MEIS2: variants seen among roughly 807,000 people sequenced by gnomAD.
The protein encoded by MEIS2 is Meis homeobox 2, also known as homeobox protein Meis2.
A neutral mutation model predicts 58.6 loss-of-function variants in MEIS2; 9 were observed. That is an observed-to-expected ratio of 0.15 (90% confidence interval 0.09 to 0.27). The LOEUF is 0.27. MEIS2 is among the 10% of genes least tolerant of loss of function. The pLI is 1.00. For missense variants in MEIS2, 427 were observed against 635.0 expected, an observed-to-expected ratio of 0.67 and a Z score of 3.52; for synonymous variants, 221 against 228.4, an observed-to-expected ratio of 0.97 and a Z score of 0.29.
At chr15:36,989,717 T>C (rs983206263) in intron 8 of MEIS2, among the ~76,000 whole-genome samples, 1 of 152,242 alleles carries the variant, frequency 6.6e-6, no homozygotes, top group African/African-American at 2.4e-5. Flanking sequence ...AACTCATGTT[T>C]ACAGAACTAT....
intron 7 of MEIS2, among the ~76,000 whole-genome samples, chr15:37,075,547 T>G (rs1891288549): frequency 6.6e-6 from 1 of 152,018 alleles, no homozygotes. Context: ...ACACACCAAG[T>G]TTTGATCAAC....
intron 7 of MEIS2, among the ~76,000 whole-genome samples, chr15:37,064,101 G>A (rs1889610115): frequency 1.3e-5 from 2 of 151,996 alleles, no homozygotes; most frequent in African/African-American, 2.4e-5. Context: ...AGAACTTAAG[G>A]TCCAGTGATA....
At position 36,979,701 on chromosome 15, in the gene MEIS2, AT is replaced by A. The variant is rs567384815; in HGVS notation, c.901-29302del. ...CCATTATTATATATAATATATAAAA[AT>A]ATATATAATATATATGAATTACATT... On this transcript the variant is annotated intron_variant, in intron 8 of 11. Coordinates refer to ENST00000561208, the MANE Select transcript of MEIS2 (RefSeq NM_170675.5). Among the ~76,000 whole-genome samples, 608 of 147,330 alleles carry A rather than the reference AT, an allele frequency of 4.1e-3. 2 individuals carry two copies. The highest frequency in any genetic ancestry group is 0.014 in the African/African-American group (582 of 40,798).
At chr15:36,917,741 G>A (rs777189764) in intron 9 of MEIS2, among the ~76,000 whole-genome samples, 5 of 152,138 alleles carry the variant, frequency 3.3e-5, no homozygotes, top group Non-Finnish European at 7.4e-5. Flanking sequence ...ACCTAAAAGA[G>A]TTTCAGGGTC....
intron 8 of MEIS2, among the ~76,000 whole-genome samples, chr15:37,034,481 G>C (rs2062063701): frequency 6.6e-6 from 1 of 152,190 alleles, no homozygotes; most frequent in African/African-American, 2.4e-5. Flanking sequence ...AAGCATTCTT[G>C]AGGTGACTAC....
chr15:36,937,636 T>C (rs767212261), intron 9 of MEIS2, among the ~76,000 whole-genome samples: 2 of 152,224 alleles, frequency 1.3e-5, no homozygotes, highest in African/African-American at 4.8e-5. Context: ...CAAATTACTT[T>C]AGAGTGGAAC....
intron 9 of MEIS2, among the ~76,000 whole-genome samples, chr15:36,932,230 T>G (rs1474157564): frequency 6.6e-6 from 1 of 152,218 alleles, no homozygotes; most frequent in Non-Finnish European, 1.5e-5. Flanking sequence ...AATATCCATG[T>G]GTTAAACATT....
intron 8 of MEIS2, among the ~76,000 whole-genome samples, chr15:36,961,829 T>A (rs2059194037): frequency 2.0e-5 from 3 of 152,330 alleles, no homozygotes; most frequent in South Asian, 2.1e-4. Context: ...CATATTTTTT[T>A]AATCCATTTA....
chr15:36,895,071 G>A, intron 11 of MEIS2, 80 bp downstream of exon 11: 1 of 1,208,576 alleles, frequency 8.3e-7, no homozygotes, highest in East Asian at 2.3e-5. Context: ...CATGACAGTG[G>A]GATAGTAGAG....
At chr15:36,948,066 C>T (rs1282847372) in intron 9 of MEIS2, among the ~76,000 whole-genome samples, 2 of 151,816 alleles carry the variant, frequency 1.3e-5, no homozygotes, top group East Asian at 1.9e-4. Context: ...ATCAAAGTTA[C>T]GGTAGCCGTT....
intron 7 of MEIS2, among the ~76,000 whole-genome samples, chr15:37,043,437 G>C (rs1359087141): frequency 2.0e-5 from 3 of 151,858 alleles, no homozygotes; most frequent in Middle Eastern, 3.2e-3. Context: ...CAGGAAGTAG[G>C]TATACTTATG....
intron 9 of MEIS2, among the ~76,000 whole-genome samples, chr15:36,943,697 G>T (rs575983043): frequency 6.6e-6 from 1 of 152,024 alleles, no homozygotes; most frequent in South Asian, 2.1e-4. Flanking sequence ...ACCCAGCAAA[G>T]AAATATGCAT....
At chr15:37,075,630 T>A (rs1429831128) in intron 7 of MEIS2, among the ~76,000 whole-genome samples, 2 of 152,000 alleles carry the variant, frequency 1.3e-5, no homozygotes, top group Non-Finnish European at 2.9e-5. Flanking sequence ...GACATACTAA[T>A]GCCAGATAAT....
intron 7 of MEIS2, among the ~76,000 whole-genome samples, chr15:37,077,201 G>T (rs118056683): frequency 6.6e-6 from 1 of 152,072 alleles, no homozygotes; most frequent in Non-Finnish European, 1.5e-5. Flanking sequence ...ATCCGTGTGA[G>T]GAAAGGAGAA....
chr15:36,958,766 T>C (rs1332635648), intron 8 of MEIS2, among the ~76,000 whole-genome samples: 1 of 152,190 alleles, frequency 6.6e-6, no homozygotes, highest in Admixed American at 6.5e-5. Context: ...ATGCATGTTA[T>C]GCTGCCTACA....
At chr15:36,924,221 C>G (rs562746280) in intron 9 of MEIS2, among the ~76,000 whole-genome samples, 1 of 152,208 alleles carries the variant, frequency 6.6e-6, no homozygotes, top group Non-Finnish European at 1.5e-5. Context: ...TCTAGTAATA[C>G]TCCTGGCACA....
At chr15:37,093,123 T>C (rs764940415) in intron 6 of MEIS2, among the ~76,000 whole-genome samples, 1 of 152,206 alleles carries the variant, frequency 6.6e-6, no homozygotes, top group African/African-American at 2.4e-5. Flanking sequence ...ATTCTCAGAA[T>C]TGTCATCTCT....
At chr15:36,915,542 G>T (rs1231634954) in intron 9 of MEIS2, among the ~76,000 whole-genome samples, 2 of 152,158 alleles carry the variant, frequency 1.3e-5, no homozygotes, top group Non-Finnish European at 2.9e-5. Flanking sequence ...GGACCCCAGG[G>T]AGGTGTCACA....
chr15:36,960,214 G>A (rs1308374128), intron 8 of MEIS2, among the ~76,000 whole-genome samples: 1 of 151,968 alleles, frequency 6.6e-6, no homozygotes, highest in Non-Finnish European at 1.5e-5. Context: ...TGGATTTAAA[G>A]AGGAAGAGGT....
Sources: allele counts gnomAD v4.1 joint callset (sites outside exome capture counted in the v4.1 genomes callset), GRCh38; gene constraint gnomAD v4.1.1; transcripts MANE v1.5; gene names NCBI Gene and HGNC (gene_info 2026-07-23, HGNC 2026-07-21).